COL24A1: variants seen among roughly 807,000 people sequenced by gnomAD.
COL24A1 encodes the protein collagen alpha-1(XXIV) chain.
COL24A1 carries 224 observed loss-of-function variants against 253.9 expected under a neutral mutation model. The ratio of observed to expected loss-of-function variants is 0.88; its 90% CI spans 0.79 to 0.99. The LOEUF is 0.99. COL24A1 is among the 50% of genes least tolerant of loss of function. The pLI is 0.00. For missense variants in COL24A1, 2,131 were observed against 2,068.5 expected, an observed-to-expected ratio of 1.03 and a Z score of -0.59; for synonymous variants, 685 against 673.7, an observed-to-expected ratio of 1.02 and a Z score of -0.26.
At chr1:85,783,963 A>T (rs912993500) in intron 50 of COL24A1, 150 bp downstream of exon 50, 2 of 563,198 alleles carry the variant, frequency 3.6e-6, no homozygotes, top group Non-Finnish European at 6.1e-6. Context: ...ACATAATTTT[A>T]AAAACAGATG....
At chr1:86,052,536 T>C (rs188067799) in intron 10 of COL24A1, among the ~76,000 whole-genome samples, 21 of 152,152 alleles carry the variant, frequency 1.4e-4, no homozygotes, top group Non-Finnish European at 2.5e-4. Context: ...AGTAGTCAAA[T>C]TCATACAGAC....
At chr1:86,108,832 G>A (rs887151191) in intron 5 of COL24A1, among the ~76,000 whole-genome samples, 4 of 151,016 alleles carry the variant, frequency 2.6e-5, no homozygotes, top group Non-Finnish European at 5.9e-5. Context: ...ATTCTCTAAA[G>A]GGAGAGTAAA....
intron 2 of COL24A1, among the ~76,000 whole-genome samples, chr1:86,134,598 C>T (rs1331031122): frequency 2.0e-5 from 3 of 151,174 alleles, no homozygotes; most frequent in South Asian, 2.1e-4. Flanking sequence ...GCCTTCATTT[C>T]GGTATGTACC....
intron 4 of COL24A1, among the ~76,000 whole-genome samples, chr1:86,113,191 T>C (rs140892994): frequency 1.3e-5 from 2 of 152,358 alleles, no homozygotes; most frequent in African/African-American, 4.8e-5. Context: ...AGGAACTGTG[T>C]TGATGTTTTG....
intron 14 of COL24A1, among the ~76,000 whole-genome samples, chr1:86,031,454 A>G (rs1698560022): frequency 6.6e-6 from 1 of 152,156 alleles, no homozygotes; most frequent in South Asian, 2.1e-4. Context: ...CAATTATTCA[A>G]ATTTGATCAT....
intron 22 of COL24A1, among the ~76,000 whole-genome samples, chr1:85,968,456 C>T (rs1335309586): frequency 6.6e-6 from 1 of 152,144 alleles, no homozygotes; most frequent in Admixed American, 6.6e-5. Context: ...TTTAAGACTT[C>T]TAGTCAAAAC....
At position 85,909,910 on chromosome 1, in the gene COL24A1, A is replaced by G. The variant is rs780004256; in HGVS notation, c.2670+40T>C. ...CTCTGGAACGACTTGCTTTTATTGC[A>G]TTCTTTGGAAACATATTTTTCAAAT... is the stretch of plus-strand genomic sequence containing the variant. On this transcript the variant is annotated intron_variant, in intron 26 of 59. Transcript: ENST00000370571. 3 of 1,543,816 alleles carry G rather than the reference A, an allele frequency of 1.9e-6. No homozygotes were observed. In the East Asian group the frequency reaches 6.8e-5, roughly 35 times the overall value.
At chr1:85,971,127 G>A (rs1692122654) in intron 21 of COL24A1, among the ~76,000 whole-genome samples, 1 of 151,976 alleles carries the variant, frequency 6.6e-6, no homozygotes, top group African/African-American at 2.4e-5. Context: ...GAGGATTGCT[G>A]GAGCCCAGGA....
chr1:85,903,043 G>A (rs887299672), intron 28 of COL24A1, among the ~76,000 whole-genome samples: 18 of 145,386 alleles, frequency 1.2e-4, no homozygotes, highest in Admixed American at 7.9e-4. Flanking sequence ...GTACAAATAC[G>A]TATCAATAAA....
At chr1:86,113,218 T>A (rs1023071589) in intron 4 of COL24A1, among the ~76,000 whole-genome samples, 2 of 152,194 alleles carry the variant, frequency 1.3e-5, no homozygotes, top group African/African-American at 4.8e-5. Context: ...TCATTACTAA[T>A]CCTTATAACA....
chr1:86,023,964 C>CTT (rs1697790226), intron 14 of COL24A1, among the ~76,000 whole-genome samples: 2 of 151,998 alleles, frequency 1.3e-5, no homozygotes, highest in Non-Finnish European at 2.9e-5. Context: ...TATTAAGGAA[C>CTT]TCTTAAAGTT....
At chr1:85,970,488 T>C (rs1692051340) in intron 21 of COL24A1, among the ~76,000 whole-genome samples, 1 of 150,872 alleles carries the variant, frequency 6.6e-6, no homozygotes, top group Non-Finnish European at 1.5e-5. Context: ...AAAAACTATA[T>C]GGGTGGATAG....
chr1:85,814,607 G>A (rs1672882041), intron 47 of COL24A1, among the ~76,000 whole-genome samples: 1 of 152,132 alleles, frequency 6.6e-6, no homozygotes, highest in Non-Finnish European at 1.5e-5. Context: ...GTGTAAGCAG[G>A]CAATTCAGAT....
intron 37 of COL24A1, among the ~76,000 whole-genome samples, chr1:85,853,875 GGATGCATA>G (rs1223652827): frequency 1.3e-5 from 2 of 151,918 alleles, no homozygotes; most frequent in African/African-American, 4.8e-5. Context: ...GACCTTTGTT[GGATGCATA>G]ATTTGCAAAA....
chr1:86,111,052 G>A (rs1705532952), intron 5 of COL24A1, among the ~76,000 whole-genome samples: 1 of 152,214 alleles, frequency 6.6e-6, no homozygotes, highest in Non-Finnish European at 1.5e-5. Context: ...TCTAGCTGAA[G>A]GATTGTACAT....
At chr1:85,978,812 C>T (rs1372456742) in intron 20 of COL24A1, among the ~76,000 whole-genome samples, 4 of 152,064 alleles carry the variant, frequency 2.6e-5, no homozygotes, top group Non-Finnish European at 1.5e-5. Context: ...AGAAAGTGAA[C>T]TTCATCTATG....
intron 19 of COL24A1, among the ~76,000 whole-genome samples, chr1:86,001,599 A>G (rs1319614887): frequency 1.3e-5 from 2 of 152,214 alleles, no homozygotes; most frequent in Non-Finnish European, 2.9e-5. Context: ...AATACATTGC[A>G]GTTAGCTCAT....
chr1:86,089,271 A>G, intron 6 of COL24A1, 44 bp from the exon 7 acceptor site: 1 of 1,457,718 alleles, frequency 6.9e-7, no homozygotes, highest in African/African-American at 1.5e-5. Flanking sequence ...AAGAGAACTG[A>G]AAATTAGAAT....
intron 28 of COL24A1, among the ~76,000 whole-genome samples, chr1:85,897,575 T>G (rs1683874896): frequency 6.6e-6 from 1 of 152,132 alleles, no homozygotes; most frequent in African/African-American, 2.4e-5. Flanking sequence ...CTGAAAATAT[T>G]CGTGTAAATT....
Sources: allele counts gnomAD v4.1 joint callset (sites outside exome capture counted in the v4.1 genomes callset), GRCh38; gene constraint gnomAD v4.1.1; transcripts MANE v1.5; gene names NCBI Gene and HGNC (gene_info 2026-07-23, HGNC 2026-07-21).